The following LYPD1 variants were observed in gnomAD, a reference collection of about 807,000 sequenced individuals.
LYPD1 encodes the protein LY6/PLAUR domain containing 1.
Under a neutral mutation model 14.2 loss-of-function variants are expected in LYPD1, and 14 were observed. That is an observed-to-expected ratio of 0.99 (90% CI 0.65 to 1.54). LYPD1 has a LOEUF of 1.54. LYPD1 is among the 40% of genes most tolerant of loss of function. LYPD1 has a pLI of 0.00. For missense variants in LYPD1, 165 were observed against 175.7 expected, an observed-to-expected ratio of 0.94 and a Z score of 0.34; for synonymous variants, 85 against 70.6, an observed-to-expected ratio of 1.20 and a Z score of -1.02.
chr2:132,669,732 C>A lies in LYPD1; in HGVS notation c.52+149G>T. 7.0e-7 allele frequency: 1 copy of A among 1,435,030 alleles called. No homozygotes were observed. The highest frequency in any genetic ancestry group is 2.9e-5 in the Admixed American group (1 of 34,628). 88.9% of individuals were successfully genotyped at this position (1,435,030 alleles called of 1,614,324 possible). ...ACTTGGACACTTTCCCAGCCTCGCG[C>A]CCCGGGGCACCAGTCGCGGCCGCCA... On this transcript the variant is annotated intron_variant, in intron 1 of 2. Transcript: ENST00000397463. The surrounding 1 kb of genome is among the most constrained non-coding windows in gnomAD (Gnocchi z 4.3).
Position 132,670,136 on chromosome 2 carries a change from T to C in LYPD1, c.-204A>G. 7.2e-7 allele frequency: 1 copy of C among 1,391,166 alleles called. No individual in the cohort carries two copies. Among genetic ancestry groups the C allele is most frequent in the Non-Finnish European group, 9.2e-7 (1 of 1,081,698 alleles). 86.2% of individuals were successfully genotyped at this position (1,391,166 alleles called of 1,614,324 possible). A position where few individuals can be genotyped will look rare whatever the true frequency, so the allele number is the denominator to read the frequency against. On this transcript the variant is annotated 5_prime_UTR_variant, in exon 1 of 3. Coordinates refer to ENST00000397463, the MANE Select transcript of LYPD1 (RefSeq NM_144586.7). The surrounding 1 kb of genome is among the most constrained non-coding windows in gnomAD (Gnocchi z 4.5). ...CCGCGCTCGGGCTCCCGGCTGCGGG[T>C]CTCTGCTCCTCCCGCTCGCGCTCCC...
intron 1 of LYPD1, 132 bp from the exon 2 acceptor site, chr2:132,668,669 G>A: frequency 1.5e-6 from 2 of 1,319,646 alleles, no homozygotes; most frequent in Non-Finnish European, 2.0e-6. Context: ...GGGTCTCCGG[G>A]TAGGGCTGGA....
At chr2:132,654,323 C>G (rs1286539283) in intron 2 of LYPD1, among the ~76,000 whole-genome samples, 1 of 151,770 alleles carries the variant, frequency 6.6e-6, no homozygotes, top group Non-Finnish European at 1.5e-5. Context: ...ATCATTTGAG[C>G]CTGGGAGGCA....
chr2:132,646,405 T>A (rs1428024148), intron 2 of LYPD1, 125 bp from the exon 3 acceptor site: 5 of 502,710 alleles, frequency 9.9e-6, no homozygotes, highest in Non-Finnish European at 1.7e-5. Flanking sequence ...CTAGGTGAGG[T>A]CAGGGAAGTG....
rs974770950 is a variant in LYPD1, at chr2:132,644,421, T to C, written c.*1624A>G. Among the ~76,000 whole-genome samples, 69 of 152,192 alleles carry C rather than the reference T, an allele frequency of 4.5e-4. 1 individual carries two copies. The highest frequency in any genetic ancestry group is 7.3e-4 in the Non-Finnish European group (50 of 68,028). ...TTTGCCATCTCTGAATAATTCTTTT[T>C]CCCCACATGAGGGATCTAAAAGTGT... On this transcript the variant is annotated 3_prime_UTR_variant, in exon 3 of 3. Coordinates refer to ENST00000397463, the MANE Select transcript of LYPD1 (RefSeq NM_144586.7).
At position 132,669,384 on chromosome 2, in the gene LYPD1, G is replaced by A. The variant is rs1683492746; in HGVS notation, c.52+497C>T. Among the ~76,000 whole-genome samples the A allele has an allele frequency of 6.6e-6, 1 of 152,086 alleles. No homozygotes were observed. ...TTCGGCCTGGCTGTTCTCGGTGTAC[G>A]CGCTCCTGTCTAGACCCAACTACCC... On this transcript the variant is annotated intron_variant, in intron 1 of 2. Coordinates refer to ENST00000397463, the MANE Select transcript of LYPD1 (RefSeq NM_144586.7). This position sits in a 1 kb window ranked among gnomAD's most constrained non-coding sequence, Gnocchi z 4.3.
chr2:132,645,517 T>C lies in LYPD1; in HGVS notation c.*528A>G, dbSNP rs1195226171. On this transcript the variant is annotated 3_prime_UTR_variant, in exon 3 of 3. Transcript: ENST00000397463. ...GGCCGAGCCCCAGTCTAAGTCCCAG[T>C]CATTGAGTCTCGAGTCACTAGAGCC... The C allele has an allele frequency of 1.2e-6, 2 of 1,614,098 alleles. No homozygotes were observed. Among genetic ancestry groups the C allele is most frequent in the Non-Finnish European group, 1.7e-6 (2 of 1,180,022 alleles).
In LYPD1 at chr2:132,645,510, G is replaced by T. The variant is rs775907365; in HGVS notation, c.*535C>A. 1.2e-6 allele frequency: 2 copies of T among 1,614,136 alleles called. No homozygotes were observed. Among genetic ancestry groups the T allele is most frequent in the South Asian group, 2.2e-5 (2 of 91,084 alleles). On this transcript the variant is annotated 3_prime_UTR_variant, in exon 3 of 3. Coordinates refer to ENST00000397463, the MANE Select transcript of LYPD1 (RefSeq NM_144586.7). The stretch of plus-strand genomic sequence containing the variant: ...AGAGCGAGGCCGAGCCCCAGTCTAA[G>T]TCCCAGTCATTGAGTCTCGAGTCAC...
chr2:132,667,402 T>A (rs966339968), intron 2 of LYPD1, among the ~76,000 whole-genome samples: 24 of 152,282 alleles, frequency 1.6e-4, no homozygotes, highest in Non-Finnish European at 3.1e-4. Context: ...AAGAAACGAC[T>A]TTCCCAAGGT....
At chr2:132,670,211 C>T, upstream of LYPD1, 9 of 1,030,118 alleles carry the variant, frequency 8.7e-6, no homozygotes, top group Non-Finnish European at 1.1e-5. The surrounding 1 kb of genome is among the most constrained non-coding windows in gnomAD (Gnocchi z 4.5). Flanking sequence ...GAAGGAACTA[C>T]TGGCGATCGG....
intron 2 of LYPD1, among the ~76,000 whole-genome samples, chr2:132,652,780 G>A (rs562528954): frequency 6.6e-6 from 1 of 152,326 alleles, no homozygotes; most frequent in African/African-American, 2.4e-5. Flanking sequence ...AGGGGTAATG[G>A]CCTCCTGGGG....
In LYPD1 at chr2:132,645,569, C is replaced by T. The variant is rs770359662; in HGVS notation, c.*476G>A. On this transcript the variant is annotated 3_prime_UTR_variant, in exon 3 of 3. Coordinates refer to ENST00000397463, the MANE Select transcript of LYPD1 (RefSeq NM_144586.7). ...AACTCAGGCGCGAAACCAGCCAATT[C>T]TGCTGCAGAGAATGGTTTTCAGGAG... The T allele has an allele frequency of 1.2e-6, 2 of 1,614,020 alleles. No homozygotes were observed. Among genetic ancestry groups the T allele is most frequent in the Admixed American group, 1.7e-5 (1 of 59,992 alleles).
rs1050940229 is a variant in LYPD1, at chr2:132,645,474, A to C, written c.*571T>G. The C allele has an allele frequency of 2.2e-5, 36 of 1,614,034 alleles. No homozygotes were observed. Among genetic ancestry groups the C allele is most frequent in the Non-Finnish European group, 3.1e-5 (36 of 1,180,028 alleles). On this transcript the variant is annotated 3_prime_UTR_variant, in exon 3 of 3. Transcript: ENST00000397463. ...CAAGGAGAACTGAGAAGATTTTCTT[A>C]AGCACTTTTCAGAGCGAGGCCGAGC...
rs1263700696 is a variant in LYPD1, at chr2:132,645,969, A to G, written c.*76T>C. The G allele has an allele frequency of 2.0e-5, 22 of 1,112,296 alleles. No individual in the cohort carries two copies. Among genetic ancestry groups the G allele is most frequent in the Non-Finnish European group, 2.8e-5 (22 of 788,366 alleles). The allele number at this position is 1,112,296 out of a possible 1,614,324, so 68.9% of individuals were successfully genotyped here. A position where few individuals can be genotyped will look rare whatever the true frequency, so the allele number is the denominator to read the frequency against. On this transcript the variant is annotated 3_prime_UTR_variant, in exon 3 of 3. Transcript: ENST00000397463. ...CAGAATAAAAGGACACCCAGAAGAA[A>G]CTCACTCAGGGAGGTGGGGGGTTGG...
Position 132,668,313 on chromosome 2 carries a change from G to A in LYPD1, c.190+87C>T, listed in dbSNP as rs1030845680. On this transcript the variant is annotated intron_variant, in intron 2 of 2. Coordinates refer to ENST00000397463, the MANE Select transcript of LYPD1 (RefSeq NM_144586.7). ...GTGTGTGGGCATTAAATCAAAGTCA[G>A]TCCTTTTTCCTGCTATTTAATGGCC... is the stretch of plus-strand genomic sequence containing the variant. The A allele has an allele frequency of 8.6e-5, 126 of 1,466,044 alleles. No homozygotes were observed. In the East Asian group the frequency reaches 2.6e-3, roughly 30 times the overall value. 90.8% of individuals were successfully genotyped at this position (1,466,044 alleles called of 1,614,324 possible).
chr2:132,650,058 A>C (rs1357674194), intron 2 of LYPD1, among the ~76,000 whole-genome samples: 2 of 152,236 alleles, frequency 1.3e-5, no homozygotes, highest in Admixed American at 6.5e-5. Flanking sequence ...AACTCAAATC[A>C]CAAAGCAGAT....
chr2:132,658,656 A>C (rs553867164), intron 2 of LYPD1, among the ~76,000 whole-genome samples: 2 of 152,222 alleles, frequency 1.3e-5, no homozygotes, highest in Non-Finnish European at 1.5e-5. Flanking sequence ...GTAAAAACGA[A>C]GTTTGTTTGC....
Position 132,669,880 on chromosome 2 carries a change from C to A in LYPD1, c.52+1G>T. Reference sequence around the variant, plus strand: ...GGCTGCTGGCCTCTGGGTATTCTCACCTGGAAGCAAGAACAATCCGCAAAA... The same window carrying A: ...GGCTGCTGGCCTCTGGGTATTCTCAACTGGAAGCAAGAACAATCCGCAAAA... On this transcript the variant is annotated splice_donor_variant, in intron 1 of 2. Transcript: ENST00000397463. LOFTEE classifies it high-confidence loss of function. The surrounding 1 kb of genome is among the most constrained non-coding windows in gnomAD (Gnocchi z 4.3). 2 of 1,612,768 alleles carry A rather than the reference C, an allele frequency of 1.2e-6. No homozygotes were observed. Among genetic ancestry groups the A allele is most frequent in the Non-Finnish European group, 8.5e-7 (1 of 1,179,324 alleles).
Position 132,645,044 on chromosome 2 carries a change from G to C in LYPD1, c.*1001C>G. 5 of 1,550,834 alleles carry C rather than the reference G, an allele frequency of 3.2e-6. No individual in the cohort carries two copies. Among genetic ancestry groups the C allele is most frequent in the Non-Finnish European group, 4.4e-6 (5 of 1,143,338 alleles). On this transcript the variant is annotated 3_prime_UTR_variant, in exon 3 of 3. Coordinates refer to ENST00000397463, the MANE Select transcript of LYPD1 (RefSeq NM_144586.7). The stretch of plus-strand genomic sequence containing the variant: ...TTTTATGGTTTTATTCATTTACTGT[G>C]TTCTCATGCTGTGTTTTTCTTTTCT...
Sources: allele counts gnomAD v4.1 joint callset (sites outside exome capture counted in the v4.1 genomes callset), GRCh38; gene constraint gnomAD v4.1.1; non-coding constraint Gnocchi (gnomAD v3.1); transcripts MANE v1.5; gene names NCBI Gene and HGNC (gene_info 2026-07-23, HGNC 2026-07-21).